Variants in HS3ST4 observed in about 807,000 individuals in gnomAD.
HS3ST4 encodes heparan sulfate glucosamine 3-O-sulfotransferase 4.
HS3ST4 carries 17 observed loss-of-function variants against 29.2 expected under a neutral mutation model. The observed-to-expected ratio is 0.58, with a 90% confidence interval of 0.40 to 0.87. The LOEUF (loss-of-function observed/expected upper bound fraction) is 0.87. Among genes scored for constraint, HS3ST4 ranks in the 40% least tolerant of loss-of-function variants. The pLI, the probability that HS3ST4 is intolerant of heterozygous loss-of-function variation, is 0.00. For synonymous variants in HS3ST4, 314 were observed against 285.7 expected, an observed-to-expected ratio of 1.10 and a Z score of -1.00; for missense variants, 627 against 634.5, an observed-to-expected ratio of 0.99 and a Z score of 0.13.
At chr16:25,819,905 G>A (rs1967130356) in intron 1 of HS3ST4, among the ~76,000 whole-genome samples, 2 of 150,072 alleles carry the variant, frequency 1.3e-5, no homozygotes. Context: ...TAGCTACTTG[G>A]GAGGCTGAGG....
At chr16:26,012,455 A>C (rs4787801) in intron 1 of HS3ST4, among the ~76,000 whole-genome samples, 3,374 of 152,256 alleles carry the variant, frequency 0.022, 124 homozygotes, top group African/African-American at 0.074. Context: ...GATTTCCTGA[A>C]ATTTGTAATT....
chr16:25,878,829 T>A (rs372775129), intron 1 of HS3ST4, among the ~76,000 whole-genome samples: 1 of 152,292 alleles, frequency 6.6e-6, no homozygotes, highest in South Asian at 2.1e-4. Flanking sequence ...ATTCAAACCT[T>A]CGATAAAAAT....
At chr16:25,940,033 C>T (rs1408034933) in intron 1 of HS3ST4, among the ~76,000 whole-genome samples, 5 of 152,052 alleles carry the variant, frequency 3.3e-5, no homozygotes, top group Admixed American at 6.6e-5. Flanking sequence ...TTCTTATGCA[C>T]CCACATGGAT....
intron 1 of HS3ST4, among the ~76,000 whole-genome samples, chr16:26,004,640 C>G (rs1969241061): frequency 1.3e-5 from 2 of 152,146 alleles, no homozygotes; most frequent in Non-Finnish European, 2.9e-5. Flanking sequence ...ATATCCTGGA[C>G]TGGCTTATGG....
At chr16:25,878,519 C>G (rs1409078876) in intron 1 of HS3ST4, among the ~76,000 whole-genome samples, 2 of 152,116 alleles carry the variant, frequency 1.3e-5, no homozygotes, top group East Asian at 1.9e-4. Flanking sequence ...ACTAACACAA[C>G]CAAAAATGGT....
intron 1 of HS3ST4, among the ~76,000 whole-genome samples, chr16:25,708,648 A>G (rs923661532): frequency 6.6e-6 from 1 of 152,238 alleles, no homozygotes; most frequent in Non-Finnish European, 1.5e-5. Context: ...TGAAAATTGC[A>G]TGTTGATTTC....
intron 1 of HS3ST4, among the ~76,000 whole-genome samples, chr16:25,708,320 AT>A (rs1209087130): frequency 1.3e-5 from 2 of 152,238 alleles, no homozygotes; most frequent in Non-Finnish European, 2.9e-5. Context: ...GCTTTATAAA[AT>A]ATTCACTTTC....
At chr16:25,943,882 T>G (rs1968598901) in intron 1 of HS3ST4, among the ~76,000 whole-genome samples, 1 of 152,162 alleles carries the variant, frequency 6.6e-6, no homozygotes, top group African/African-American at 2.4e-5. Context: ...CCTTATCTGC[T>G]TGGCATTTTC....
intron 1 of HS3ST4, among the ~76,000 whole-genome samples, chr16:25,858,377 C>G (rs1967605520): frequency 6.6e-6 from 1 of 152,114 alleles, no homozygotes; most frequent in Admixed American, 6.5e-5. Flanking sequence ...TCAATACATT[C>G]TGTAAATTGT....
chr16:25,714,769 G>T (rs183201822), intron 1 of HS3ST4, among the ~76,000 whole-genome samples: 55 of 152,302 alleles, frequency 3.6e-4, no homozygotes, highest in African/African-American at 1.3e-3. Context: ...TATCTACATT[G>T]TATTTTTCCA....
At chr16:25,982,711 T>A (rs976161403) in intron 1 of HS3ST4, among the ~76,000 whole-genome samples, 2 of 152,050 alleles carry the variant, frequency 1.3e-5, no homozygotes, top group Non-Finnish European at 2.9e-5. Flanking sequence ...GTGCCTGTAG[T>A]CCTAGCTACT....
At chr16:26,036,329 T>C (rs1969583147) in intron 1 of HS3ST4, among the ~76,000 whole-genome samples, 1 of 152,202 alleles carries the variant, frequency 6.6e-6, no homozygotes, top group Non-Finnish European at 1.5e-5. Context: ...TCATAATGAA[T>C]TTCTGTTGGT....
At chr16:26,066,615 T>A (rs186430168) in intron 1 of HS3ST4, among the ~76,000 whole-genome samples, 4 of 152,304 alleles carry the variant, frequency 2.6e-5, no homozygotes, top group Non-Finnish European at 5.9e-5. Flanking sequence ...AACACACACC[T>A]GTCACTTAGG....
chr16:25,766,617 G>A (rs1323290173), intron 1 of HS3ST4, among the ~76,000 whole-genome samples: 3 of 152,116 alleles, frequency 2.0e-5, no homozygotes, highest in Non-Finnish European at 4.4e-5. Flanking sequence ...TTAAAACCAA[G>A]AAATATTTAT....
In HS3ST4 at chr16:25,841,434, G is replaced by A. The variant is rs533197739; in HGVS notation, c.734+148283G>A. ...TCCCACTTCAGCCTCTGGAATAACC[G>A]GGACTATAGGCAGCTAATTTTTGTA... is the stretch of plus-strand genomic sequence containing the variant. On this transcript the variant is annotated intron_variant, in intron 1 of 1. Transcript: ENST00000331351. Among the ~76,000 whole-genome samples, 15 of 152,110 alleles carry A rather than the reference G, an allele frequency of 9.9e-5. No homozygotes were observed. The South Asian group carries it at 2.9e-3, about 30-fold the overall frequency.
chr16:25,764,005 T>C (rs1966803829), intron 1 of HS3ST4, among the ~76,000 whole-genome samples: 3 of 151,854 alleles, frequency 2.0e-5, no homozygotes, highest in Admixed American at 2.0e-4. Context: ...AGTGGATGAA[T>C]TCAAAAAATG....
chr16:25,993,166 A>G (rs1446178428), intron 1 of HS3ST4, among the ~76,000 whole-genome samples: 1 of 152,156 alleles, frequency 6.6e-6, no homozygotes. Context: ...CTGCTCACCC[A>G]GGATTCTATC....
At chr16:25,958,162 C>T (rs1443126967) in intron 1 of HS3ST4, among the ~76,000 whole-genome samples, 2 of 152,126 alleles carry the variant, frequency 1.3e-5, no homozygotes, top group Admixed American at 6.5e-5. Flanking sequence ...AGAAATATTG[C>T]AGCAATAATA....
At chr16:25,794,228 C>A (rs1966876722) in intron 1 of HS3ST4, among the ~76,000 whole-genome samples, 1 of 152,040 alleles carries the variant, frequency 6.6e-6, no homozygotes, top group South Asian at 2.1e-4. Context: ...CATTGTCATG[C>A]ATTTTAATTC....
Sources: gnomAD v4.1 joint callset for allele counts (sites outside exome capture counted in the v4.1 genomes callset) on GRCh38, gnomAD v4.1.1 for gene constraint, MANE v1.5 for transcripts, NCBI Gene and HGNC (gene_info 2026-07-23, HGNC 2026-07-21) for gene names.